Variants in FSTL5 observed in about 807,000 individuals in gnomAD.
FSTL5 encodes follistatin-related protein 5.
A neutral mutation model predicts 89.1 loss-of-function variants in FSTL5; 62 were observed. The observed-to-expected ratio is 0.70, with a 90% CI of 0.57 to 0.86. The LOEUF is 0.86. Among genes scored for constraint, FSTL5 ranks in the 40% least tolerant of loss-of-function variants. The pLI, the probability that FSTL5 is intolerant of heterozygous loss-of-function variation, is 0.00. For missense variants in FSTL5, 1,057 were observed against 1,001.6 expected (o/e 1.06, Z -0.75); for synonymous variants, 383 against 346.2 (o/e 1.11, Z -1.18).
intron 2 of FSTL5, among the ~76,000 whole-genome samples, chr4:162,034,513 A>C (rs1737658399): frequency 6.6e-6 from 1 of 152,112 alleles, no homozygotes; most frequent in Non-Finnish European, 1.5e-5. Flanking sequence ...CTTGTCTTTC[A>C]GTTTGACATT....
In FSTL5 at chr4:161,977,619, A is replaced by AT. The variant is rs1358914309; in HGVS notation, c.160+56005_160+56006insA. Among the ~76,000 whole-genome samples, 9 of 59,562 alleles carry AT rather than the reference A, an allele frequency of 1.5e-4. 1 individual carries two copies. The highest frequency in any genetic ancestry group is 1.2e-3 in the South Asian group (2 of 1,692). The allele number at this position is 59,562 out of a possible 152,430, so 39.1% of individuals were successfully genotyped here. A position where few individuals can be genotyped will look rare whatever the true frequency, so the allele number is the denominator to read the frequency against. ...CACAGCGAGACTCCGTGTCAAAAAA[A>AT]AAAAAAAAAAAAAAAAAAAAAATAA... is the stretch of plus-strand genomic sequence containing the variant. On this transcript the variant is annotated intron_variant, in intron 3 of 15. Coordinates refer to ENST00000306100, the MANE Select transcript of FSTL5 (RefSeq NM_020116.5).
intron 8 of FSTL5, among the ~76,000 whole-genome samples, chr4:161,573,733 C>CAAAAAAAAAAAAAAAAAAAAAAAAAAA (rs70937664): frequency 7.9e-5 from 4 of 50,624 alleles, no homozygotes; most frequent in Non-Finnish European, 1.0e-4. Context: ...AACTCCAGCT[C>CAAAAAAAAAAAAAAAAAAAAAAAAAAA]AAAAAAAAAA....
chr4:161,712,539 TA>T (rs1738824930), intron 6 of FSTL5, among the ~76,000 whole-genome samples: 1 of 152,178 alleles, frequency 6.6e-6, no homozygotes, highest in African/African-American at 2.4e-5. Flanking sequence ...CAATGCAAAG[TA>T]GTTGCCTATA....
chr4:161,419,237 C>T (rs1731897992), intron 15 of FSTL5, among the ~76,000 whole-genome samples: 1 of 152,132 alleles, frequency 6.6e-6, no homozygotes. Context: ...AGTTTATGTC[C>T]TCTTTATTAT....
intron 8 of FSTL5, among the ~76,000 whole-genome samples, chr4:161,555,616 T>C (rs1269961893): frequency 6.6e-6 from 1 of 151,616 alleles, no homozygotes; most frequent in Non-Finnish European, 1.5e-5. Context: ...TCTCTAATAC[T>C]TTCTGCTATG....
rs867556620 is a variant in FSTL5 at position 161,439,109 on chromosome 4, T to C, written c.1841+15895A>G. 2.0e-5 allele frequency among the ~76,000 whole-genome samples: 3 copies of C among 152,318 alleles called. No individual in the cohort carries two copies. In the Middle Eastern group the frequency reaches 0.01, roughly 518 times the overall value. ...AACTACTGAATTATTATGAAACACA[T>C]AATCAATATAATTTTATTCAGTCGG... On this transcript the variant is annotated intron_variant, in intron 15 of 15. Transcript: ENST00000306100.
Position 161,928,312 on chromosome 4 carries a change from A to G in FSTL5, c.161-7660T>C, listed in dbSNP as rs114155710. ...GGTTTATTTATCCATTCACCTACTG[A>G]AGGGCATCTTAGTTGCTTCTCAGGT... is the stretch of plus-strand genomic sequence containing the variant. On this transcript the variant is annotated intron_variant, in intron 3 of 15. Coordinates refer to ENST00000306100, the MANE Select transcript of FSTL5 (RefSeq NM_020116.5). Among the ~76,000 whole-genome samples, 654 of 151,930 alleles carry G rather than the reference A, an allele frequency of 4.3e-3. 2 individuals are homozygous for G. Among genetic ancestry groups the G allele is most frequent in the African/African-American group, 0.015 (635 of 41,510 alleles).
intron 7 of FSTL5, among the ~76,000 whole-genome samples, chr4:161,626,795 T>G (rs578215023): frequency 1.3e-5 from 2 of 152,346 alleles, no homozygotes; most frequent in South Asian, 4.1e-4. Flanking sequence ...AACATTTATA[T>G]TAACAGGAGT....
intron 15 of FSTL5, 98 bp from the exon 16 acceptor site, chr4:161,386,547 A>C (rs1229154318): frequency 5.2e-6 from 4 of 767,830 alleles, no homozygotes; most frequent in Non-Finnish European, 8.4e-6. Flanking sequence ...CGCAGGCTCT[A>C]ATTGTCAGGC....
At chr4:161,846,841 A>G (rs543473070) in intron 4 of FSTL5, among the ~76,000 whole-genome samples, 16 of 152,304 alleles carry the variant, frequency 1.1e-4, no homozygotes, top group African/African-American at 3.1e-4. Flanking sequence ...TGACTTAGGC[A>G]TTTACTATGA....
chr4:161,681,082 TGAAGCAGATAAATTTAATCCTG>T (rs1737502854), intron 6 of FSTL5, among the ~76,000 whole-genome samples: 1 of 152,074 alleles, frequency 6.6e-6, no homozygotes, highest in Non-Finnish European at 1.5e-5. Flanking sequence ...AATCAATTAA[TGAAGCAGATAAATTTAATCCTG>T]GGTCATGTGA....
At chr4:161,987,073 A>C (rs1735983212) in intron 3 of FSTL5, among the ~76,000 whole-genome samples, 1 of 152,186 alleles carries the variant, frequency 6.6e-6, no homozygotes, top group African/African-American at 2.4e-5. Context: ...GCTCCAAGAC[A>C]GTCACGCATT....
intron 2 of FSTL5, among the ~76,000 whole-genome samples, chr4:162,068,273 G>A (rs1393358250): frequency 6.6e-6 from 1 of 152,002 alleles, no homozygotes; most frequent in Non-Finnish European, 1.5e-5. Flanking sequence ...AACAAAGCTG[G>A]GGACACTATG....
rs904824279 is a variant in FSTL5 at position 161,701,738 on chromosome 4, T to G, written c.728-45244A>C. Among the ~76,000 whole-genome samples, 4 of 152,266 alleles carry G rather than the reference T, an allele frequency of 2.6e-5. No individual in the cohort carries two copies. The South Asian group carries it at 8.3e-4, about 32-fold the overall frequency. On this transcript the variant is annotated intron_variant, in intron 6 of 15. Transcript: ENST00000306100. ...TCAAAAGTACATGTAGTTAGAGGAC[T>G]ACTGATTAGACTTAAATATTTATTA...
Position 161,510,475 on chromosome 4 carries a change from C to T in FSTL5, c.1313-51G>A, listed in dbSNP as rs78459880. The T allele has an allele frequency of 8.5e-3, 9,143 of 1,077,740 alleles. 498 individuals carry two copies. The African/African-American group carries it at 0.12, about 14-fold the overall frequency. The allele number at this position is 1,077,740 out of a possible 1,614,324, so 66.8% of individuals were successfully genotyped here. The stretch of plus-strand genomic sequence containing the variant: ...GAAAAAGAAAAATGAGTAAAGAGAG[C>T]TTTTGCTATATGGTAATATAAATAT... On this transcript the variant is annotated intron_variant, in intron 10 of 15. Coordinates refer to ENST00000306100, the MANE Select transcript of FSTL5 (RefSeq NM_020116.5).
At chr4:161,703,402 A>T (rs548814450) in intron 6 of FSTL5, among the ~76,000 whole-genome samples, 1 of 152,078 alleles carries the variant, frequency 6.6e-6, no homozygotes, top group South Asian at 2.1e-4. Flanking sequence ...ATAAATTTAA[A>T]TTTGTTTGAC....
intron 2 of FSTL5, among the ~76,000 whole-genome samples, chr4:162,039,710 C>G (rs541533002): frequency 6.6e-6 from 1 of 151,992 alleles, no homozygotes; most frequent in African/African-American, 2.4e-5. Flanking sequence ...TGAGAAAACT[C>G]AAATGTGTAG....
chr4:161,725,927 CA>C, intron 6 of FSTL5, among the ~76,000 whole-genome samples: 1 of 152,070 alleles, frequency 6.6e-6, no homozygotes, highest in Non-Finnish European at 1.5e-5. Flanking sequence ...AGGTTTTTGC[CA>C]CTACTTTTAA....
chr4:161,593,053 A>G (rs1733885369), intron 7 of FSTL5, among the ~76,000 whole-genome samples: 2 of 151,964 alleles, frequency 1.3e-5, no homozygotes, highest in South Asian at 2.1e-4. Context: ...CCCTTTCCCA[A>G]TTTTAATTTT....
Sources: allele counts gnomAD v4.1 joint callset (sites outside exome capture counted in the v4.1 genomes callset), GRCh38; gene constraint gnomAD v4.1.1; transcripts MANE v1.5; gene names NCBI Gene and HGNC (gene_info 2026-07-23, HGNC 2026-07-21).